The following PTPDC1 variants were observed in gnomAD, a reference collection of about 807,000 sequenced individuals.
The protein encoded by PTPDC1 is protein tyrosine phosphatase domain containing 1.
A neutral mutation model predicts 75.3 loss-of-function variants in PTPDC1; 53 were observed. The ratio of observed to expected loss-of-function variants is 0.70; its 90% CI spans 0.56 to 0.88. The LOEUF is 0.88. PTPDC1 is among the 40% of genes least tolerant of loss of function. The probability of loss-of-function intolerance (pLI) is 0.00; values close to 1 mark genes in which losing one functional copy is unlikely to be tolerated. For synonymous variants in PTPDC1, 349 were observed against 366.2 expected (o/e 0.95, Z 0.54); for missense variants, 925 against 998.6 (o/e 0.93, Z 0.99).
chr9:94,095,194 G>A (rs1827510034), intron 4 of PTPDC1, 123 bp from the exon 5 acceptor site: 3 of 617,986 alleles, frequency 4.9e-6, no homozygotes. Context: ...CTTATTTTAT[G>A]CAGTGTATGC....
chr9:94,060,679 G>C (rs956715228), intron 1 of PTPDC1, among the ~76,000 whole-genome samples: 1 of 152,182 alleles, frequency 6.6e-6, no homozygotes, highest in Non-Finnish European at 1.5e-5. Context: ...TTACATGACA[G>C]AAGCAGGAGG....
chr9:94,103,035 G>T (rs916646457), intron 7 of PTPDC1, among the ~76,000 whole-genome samples: 6 of 135,198 alleles, frequency 4.4e-5, no homozygotes, highest in African/African-American at 1.3e-4. Context: ...CACATGGACG[G>T]ATGCACATGC....
chr9:94,079,289 T>A (rs1826799928), intron 2 of PTPDC1, among the ~76,000 whole-genome samples: 1 of 149,444 alleles, frequency 6.7e-6, no homozygotes, highest in Non-Finnish European at 1.5e-5. Flanking sequence ...GAGAAGACAG[T>A]GGTTTTTTTT....
intron 1 of PTPDC1, among the ~76,000 whole-genome samples, chr9:94,053,279 T>A (rs1355192085): frequency 6.6e-6 from 1 of 151,756 alleles, no homozygotes; most frequent in African/African-American, 2.4e-5. Context: ...ACTAACCTTA[T>A]CAGAAATGTT....
intron 1 of PTPDC1, among the ~76,000 whole-genome samples, chr9:94,063,730 G>A (rs748586646): frequency 3.7e-4 from 57 of 152,118 alleles, no homozygotes; most frequent in Non-Finnish European, 6.5e-4. Context: ...TTTTCTCAGA[G>A]GAATGATCCA....
At chr9:94,073,514 A>G (rs1051254939) in intron 2 of PTPDC1, among the ~76,000 whole-genome samples, 2 of 152,016 alleles carry the variant, frequency 1.3e-5, no homozygotes, top group South Asian at 2.1e-4. Flanking sequence ...CTAGAGGTTT[A>G]TCAATTTTAT....
At chr9:94,065,745 C>T (rs909061059) in intron 2 of PTPDC1, among the ~76,000 whole-genome samples, 6 of 152,194 alleles carry the variant, frequency 3.9e-5, no homozygotes, top group African/African-American at 1.4e-4. Flanking sequence ...CCTAGAGGCA[C>T]TAATACTACT....
chr9:94,064,437 CA>C (rs1210451214), intron 1 of PTPDC1, among the ~76,000 whole-genome samples: 1 of 152,164 alleles, frequency 6.6e-6, no homozygotes, highest in Admixed American at 6.6e-5. Flanking sequence ...TAACTTTTCT[CA>C]ATGGAAACTG....
chr9:94,046,674 G>A (rs1287507014), intron 1 of PTPDC1, among the ~76,000 whole-genome samples: 1 of 152,162 alleles, frequency 6.6e-6, no homozygotes, highest in Non-Finnish European at 1.5e-5. Flanking sequence ...AAGAATGCTT[G>A]TGATTTTTAC....
At position 94,097,597 on chromosome 9, in the gene PTPDC1, AC is replaced by A. The variant is rs1368583426; in HGVS notation, c.1033del (p.Leu345Ter). Reference sequence around the variant, plus strand: ...CTGAAACACGTGCCAAAAATTATCCACCTAGTTTGCAAATTGCTGCTGGACT... The same window carrying A: ...CTGAAACACGTGCCAAAAATTATCCACTAGTTTGCAAATTGCTGCTGGACT... ...RLLKHVPKIIHLVCKLLLDLA... is the reference protein window; with the variant it reads ...RLLKHVPKIIXLVCKLLLDLA... On this transcript the variant is annotated frameshift_variant, in exon 6 of 9. Transcript: ENST00000620992. LOFTEE classifies it high-confidence loss of function. 1 of 1,614,012 alleles carries A rather than the reference AC, an allele frequency of 6.2e-7. No homozygotes were observed. The highest frequency in any genetic ancestry group is 1.1e-5 in the South Asian group (1 of 91,088).
intron 1 of PTPDC1, among the ~76,000 whole-genome samples, chr9:94,042,150 A>G (rs1233341573): frequency 1.3e-5 from 2 of 152,038 alleles, no homozygotes; most frequent in Admixed American, 6.6e-5. Context: ...CCTTTTACTT[A>G]TTTTTTCAAT....
chr9:94,068,919 G>C (rs1826415086), intron 2 of PTPDC1, among the ~76,000 whole-genome samples: 1 of 152,084 alleles, frequency 6.6e-6, no homozygotes, highest in Non-Finnish European at 1.5e-5. Context: ...TGATTTATTT[G>C]GATGCTTCAG....
rs997378717 is a variant in PTPDC1 at position 94,097,473 on chromosome 9, A to G, written c.907A>G (p.Asn303Asp). 3.7e-6 allele frequency: 6 copies of G among 1,614,064 alleles called. No homozygotes were observed. The African/African-American group carries it at 8.0e-5, about 22-fold the overall frequency. Residue 303 changes from asparagine (N) to aspartate (D), a missense_variant, in exon 6 of 9, where the codon AAT becomes GAT. Coordinates refer to ENST00000620992, the MANE Select transcript of PTPDC1 (RefSeq NM_001253829.2). ...TACTCAGTTTCTAACTCCTCTCCGC[A>G]ATATATTCTCTTGCTGTGATCCCAA... ...EFTQFLTPLRNIFSCCDPKAH... is the reference protein window; with the variant it reads ...EFTQFLTPLRDIFSCCDPKAH...
intron 1 of PTPDC1, among the ~76,000 whole-genome samples, chr9:94,036,510 G>C (rs956393615): frequency 1.3e-5 from 2 of 151,936 alleles, no homozygotes; most frequent in Admixed American, 1.3e-4. Flanking sequence ...TATATGCGTG[G>C]GTTTATTTAG....
At chr9:94,099,838 T>C (rs1827773565) in intron 6 of PTPDC1, among the ~76,000 whole-genome samples, 2 of 152,248 alleles carry the variant, frequency 1.3e-5, no homozygotes, top group African/African-American at 4.8e-5. Flanking sequence ...CGTTCAGGAC[T>C]TGGTTTGGGC....
At chr9:94,047,032 T>G (rs1466660470) in intron 1 of PTPDC1, among the ~76,000 whole-genome samples, 1 of 152,230 alleles carries the variant, frequency 6.6e-6, no homozygotes, top group Non-Finnish European at 1.5e-5. Context: ...CAATACCTAA[T>G]TTATTGAGAG....
In PTPDC1 at chr9:94,109,734, T is replaced by C. The variant is rs1265173917; in HGVS notation, c.*1790T>C. ...TTAGAGAACAGTTATGATGTGACCA[T>C]AGCATGGCACAACTAAAAATCTAAG... On this transcript the variant is annotated 3_prime_UTR_variant, in exon 9 of 9. Transcript: ENST00000620992. 1.3e-5 allele frequency: 2 copies of C among 152,144 alleles called. No homozygotes were observed. 9.4% of individuals were successfully genotyped at this position (152,144 alleles called of 1,614,324 possible).
At chr9:94,074,403 A>G (rs7039624) in intron 2 of PTPDC1, among the ~76,000 whole-genome samples, 6,870 of 152,256 alleles carry the variant, frequency 0.045, 534 homozygotes, top group African/African-American at 0.16. Context: ...AAGATCAGCA[A>G]CATGAGAAAA....
intron 8 of PTPDC1, among the ~76,000 whole-genome samples, chr9:94,104,893 A>G (rs1827963278): frequency 6.6e-6 from 1 of 152,226 alleles, no homozygotes; most frequent in Admixed American, 6.5e-5. Flanking sequence ...TTCCTGGCTG[A>G]AGAAAGAAGA....
Sources: allele counts gnomAD v4.1 joint callset (sites outside exome capture counted in the v4.1 genomes callset), GRCh38; gene constraint gnomAD v4.1.1; transcripts MANE v1.5; gene names NCBI Gene and HGNC (gene_info 2026-07-23, HGNC 2026-07-21).